Variants in ARHGAP10 observed in about 807,000 individuals in gnomAD.
ARHGAP10 encodes rho GTPase-activating protein 10.
Under a neutral mutation model 108.6 loss-of-function variants are expected in ARHGAP10, and 87 were observed. That is an observed-to-expected ratio of 0.80 (90% CI 0.67 to 0.96). ARHGAP10 has a LOEUF of 0.96. Ranked by LOEUF, ARHGAP10 falls within the 40% of genes least tolerant of loss-of-function variation. The pLI, the probability that ARHGAP10 is intolerant of heterozygous loss-of-function variation, is 0.00. For synonymous variants in ARHGAP10, 347 were observed against 341.1 expected (o/e 1.02, Z -0.19); for missense variants, 939 against 954.5 (o/e 0.98, Z 0.21).
chr4:147,993,398 A>T (rs1469624003), intron 18 of ARHGAP10, among the ~76,000 whole-genome samples: 1 of 152,210 alleles, frequency 6.6e-6, no homozygotes, highest in African/African-American at 2.4e-5. Flanking sequence ...CCTTACATTT[A>T]TGTCTGAAAT....
chr4:147,956,524 A>C (rs899829316), intron 16 of ARHGAP10, among the ~76,000 whole-genome samples: 2 of 152,096 alleles, frequency 1.3e-5, no homozygotes, highest in African/African-American at 4.8e-5. Context: ...GGAGTGGGGG[A>C]AAATTTTTTC....
At chr4:147,824,370 A>G (rs1350387506) in intron 3 of ARHGAP10, among the ~76,000 whole-genome samples, 1 of 152,050 alleles carries the variant, frequency 6.6e-6, no homozygotes, top group Non-Finnish European at 1.5e-5. Flanking sequence ...GAAAATGAGT[A>G]CTATCTAGAA....
chr4:147,819,836 G>A (rs1334839626), intron 1 of ARHGAP10, among the ~76,000 whole-genome samples: 1 of 152,184 alleles, frequency 6.6e-6, no homozygotes, highest in East Asian at 1.9e-4. Context: ...TGGGATTATA[G>A]GCCTGAGCCA....
At chr4:148,066,824 G>A (rs1299352155) in intron 22 of ARHGAP10, among the ~76,000 whole-genome samples, 1 of 152,174 alleles carries the variant, frequency 6.6e-6, no homozygotes, top group Admixed American at 6.5e-5. Flanking sequence ...GATAGCATTG[G>A]GGCTACTAGA....
intron 4 of ARHGAP10, among the ~76,000 whole-genome samples, chr4:147,854,371 T>C (rs572920923): frequency 6.6e-6 from 1 of 152,218 alleles, no homozygotes. Flanking sequence ...AATGGCTGCC[T>C]TCTTCTCTGG....
chr4:147,902,576 A>C (rs1736294267), intron 10 of ARHGAP10, among the ~76,000 whole-genome samples: 4 of 152,064 alleles, frequency 2.6e-5, no homozygotes, highest in Admixed American at 2.6e-4. Context: ...CCCTGTCTCT[A>C]CTAAAAATAG....
intron 1 of ARHGAP10, among the ~76,000 whole-genome samples, chr4:147,822,081 A>G (rs1408409560): frequency 6.6e-6 from 1 of 152,240 alleles, no homozygotes; most frequent in Non-Finnish European, 1.5e-5. Flanking sequence ...ATGTTAGCCT[A>G]TTTTAGAAGT....
At chr4:147,926,746 G>A (rs1737476305) in intron 13 of ARHGAP10, among the ~76,000 whole-genome samples, 4 of 152,204 alleles carry the variant, frequency 2.6e-5, no homozygotes, top group Middle Eastern at 6.8e-3. Flanking sequence ...GATAGGAGGC[G>A]AAGGAAGAAG....
At chr4:148,007,866 A>G (rs958305170) in intron 18 of ARHGAP10, among the ~76,000 whole-genome samples, 1 of 152,158 alleles carries the variant, frequency 6.6e-6, no homozygotes, top group Non-Finnish European at 1.5e-5. Context: ...CTTCAGTTGC[A>G]TGACTTAGCT....
chr4:147,805,553 C>T (rs1731748019), intron 1 of ARHGAP10, among the ~76,000 whole-genome samples: 1 of 152,178 alleles, frequency 6.6e-6, no homozygotes, highest in African/African-American at 2.4e-5. Context: ...CTGTAAATTG[C>T]TTTGGGCAAT....
chr4:147,806,760 G>T lies in ARHGAP10; in HGVS notation c.155-15967G>T, dbSNP rs528838318. Among the ~76,000 whole-genome samples the T allele has an allele frequency of 6.6e-5, 10 of 152,234 alleles. No individual in the cohort carries two copies. The East Asian group carries it at 1.9e-3, about 29-fold the overall frequency. ...TCTGTTGCCCAGGCTGGAGTGTGGG[G>T]ATGCCATCATAGCTCACTACAACCT... On this transcript the variant is annotated intron_variant, in intron 1 of 22. Coordinates refer to ENST00000336498, the MANE Select transcript of ARHGAP10 (RefSeq NM_024605.4).
intron 20 of ARHGAP10, among the ~76,000 whole-genome samples, chr4:148,056,975 C>A (rs1045595656): frequency 6.6e-6 from 1 of 152,176 alleles, no homozygotes; most frequent in Non-Finnish European, 1.5e-5. Context: ...GTGACCCAGC[C>A]GATGAGTCAT....
Position 147,961,529 on chromosome 4 carries a change from A to G in ARHGAP10, c.1451-3495A>G, listed in dbSNP as rs573788196. Among the ~76,000 whole-genome samples the G allele has an allele frequency of 2.0e-5, 3 of 152,248 alleles. No individual in the cohort carries two copies. The East Asian group carries it at 5.8e-4, about 29-fold the overall frequency. On this transcript the variant is annotated intron_variant, in intron 16 of 22. Coordinates refer to ENST00000336498, the MANE Select transcript of ARHGAP10 (RefSeq NM_024605.4). Reference sequence around the variant, plus strand: ...TGTCCAAGATTTTAGTATTACAGGTATTTAACTTTTGTCATAAGGAAAACT... The same window carrying G: ...TGTCCAAGATTTTAGTATTACAGGTGTTTAACTTTTGTCATAAGGAAAACT...
In ARHGAP10 at chr4:147,984,637, C is replaced by T. The variant is rs6844045; in HGVS notation, c.1716+17798C>T. On this transcript the variant is annotated intron_variant, in intron 18 of 22. Coordinates refer to ENST00000336498, the MANE Select transcript of ARHGAP10 (RefSeq NM_024605.4). Reference sequence around the variant, plus strand: ...GGTGGCTTGTGAGCAGGCTCACTGCCTCCTGTAGGACCAGGGGGCAGTGGT... The same window carrying T: ...GGTGGCTTGTGAGCAGGCTCACTGCTTCCTGTAGGACCAGGGGGCAGTGGT... 6.4e-3 allele frequency among the ~76,000 whole-genome samples: 976 copies of T among 152,316 alleles called. 7 individuals carry two copies. The highest frequency in any genetic ancestry group is 0.022 in the African/African-American group (923 of 41,572).
intron 6 of ARHGAP10, chr4:147,865,806 G>A (rs1291162910): frequency 1.3e-5 from 2 of 152,166 alleles, no homozygotes; most frequent in Non-Finnish European, 2.9e-5. Context: ...TAAACCATTA[G>A]AGAAAAACTC....
intron 1 of ARHGAP10, among the ~76,000 whole-genome samples, chr4:147,753,013 T>C (rs1729225448): frequency 6.6e-6 from 1 of 152,256 alleles, no homozygotes; most frequent in Admixed American, 6.5e-5. Context: ...GATTCACCTA[T>C]GAGGAGCCTG....
At chr4:147,991,060 C>A (rs1740254156) in intron 18 of ARHGAP10, among the ~76,000 whole-genome samples, 1 of 151,454 alleles carries the variant, frequency 6.6e-6, no homozygotes, top group African/African-American at 2.4e-5. Context: ...ATGCTTTTCA[C>A]CTTGGTGACA....
intron 10 of ARHGAP10, among the ~76,000 whole-genome samples, chr4:147,893,052 A>C (rs1270079617): frequency 6.6e-6 from 1 of 151,244 alleles, no homozygotes; most frequent in Non-Finnish European, 1.5e-5. Context: ...TGTGGAATTG[A>C]ATGGAAGTAA....
chr4:147,824,714 C>T (rs1050214613), intron 3 of ARHGAP10, among the ~76,000 whole-genome samples: 3 of 152,142 alleles, frequency 2.0e-5, no homozygotes, highest in African/African-American at 7.2e-5. Flanking sequence ...CACAGGAACT[C>T]ACTGTCATGA....
Sources: gnomAD v4.1 joint callset for allele counts (sites outside exome capture counted in the v4.1 genomes callset) on GRCh38, gnomAD v4.1.1 for gene constraint, MANE v1.5 for transcripts, NCBI Gene and HGNC (gene_info 2026-07-23, HGNC 2026-07-21) for gene names.